SLC30A9: variants seen among roughly 807,000 people sequenced by gnomAD.
SLC30A9 encodes the protein proton-coupled zinc antiporter SLC30A9, mitochondrial.
Under a neutral mutation model 87.5 loss-of-function variants are expected in SLC30A9, and 58 were observed. That is an observed-to-expected ratio of 0.66 (90% confidence interval 0.54 to 0.82). The LOEUF (loss-of-function observed/expected upper bound fraction) is 0.82, where lower values mean the gene tolerates loss of function less well. Among genes scored for constraint, SLC30A9 ranks in the 40% least tolerant of loss-of-function variants. The pLI is 0.00. For missense variants in SLC30A9, 557 were observed against 679.1 expected (o/e 0.82, Z 2.00); for synonymous variants, 234 against 233.0 (o/e 1.00, Z -0.04).
At chr4:42,012,738 TG>T (rs1715504101) in intron 2 of SLC30A9, among the ~76,000 whole-genome samples, 1 of 152,132 alleles carries the variant, frequency 6.6e-6, no homozygotes, top group South Asian at 2.1e-4. Flanking sequence ...CTCTCAAAGA[TG>T]AGAGTCATTT....
chr4:42,040,092 T>C (rs954080913), intron 8 of SLC30A9, among the ~76,000 whole-genome samples: 4 of 152,178 alleles, frequency 2.6e-5, no homozygotes, highest in Non-Finnish European at 5.9e-5. Context: ...TGTTCAAGGA[T>C]AGTGACCAGG....
intron 6 of SLC30A9, among the ~76,000 whole-genome samples, chr4:42,033,113 A>C (rs1467657234): frequency 6.6e-6 from 1 of 152,170 alleles, no homozygotes; most frequent in Non-Finnish European, 1.5e-5. Context: ...TAGAAATATC[A>C]TCAGTAGATA....
intron 2 of SLC30A9, among the ~76,000 whole-genome samples, chr4:42,016,334 AT>A (rs1480680960): frequency 5.3e-5 from 8 of 152,168 alleles, no homozygotes; most frequent in Non-Finnish European, 1.2e-4. Flanking sequence ...ATTATAATAC[AT>A]ATGTAAGTTA....
At chr4:42,083,602 C>CT (rs1170502290) in intron 17 of SLC30A9, among the ~76,000 whole-genome samples, 26 of 151,334 alleles carry the variant, frequency 1.7e-4, no homozygotes, top group African/African-American at 2.9e-4. Context: ...AATTTTTAGG[C>CT]TTTTTTTTAA....
intron 2 of SLC30A9, among the ~76,000 whole-genome samples, chr4:42,013,188 G>A (rs765466733): frequency 6.6e-6 from 1 of 151,932 alleles, no homozygotes; most frequent in Non-Finnish European, 1.5e-5. Flanking sequence ...AAGCTGAGGT[G>A]GGATCACTTG....
At chr4:41,999,054 A>G (rs565693220) in intron 1 of SLC30A9, among the ~76,000 whole-genome samples, 1 of 152,348 alleles carries the variant, frequency 6.6e-6, no homozygotes, top group East Asian at 1.9e-4. Context: ...AGTCAATTTT[A>G]AGAGGCCTCT....
At chr4:42,066,445 C>G in intron 12 of SLC30A9, 105 bp from the exon 13 acceptor site, 1 of 598,946 alleles carries the variant, frequency 1.7e-6, no homozygotes, top group East Asian at 2.9e-5. Context: ...ATTGCCAACC[C>G]TAGTTTTAAA....
intron 11 of SLC30A9, 125 bp from the exon 12 acceptor site, chr4:42,065,185 A>G (rs1460610339): frequency 7.8e-6 from 5 of 644,060 alleles, no homozygotes; most frequent in Non-Finnish European, 8.5e-6. Flanking sequence ...GTTTCCCATT[A>G]GTAACCTTAC....
At chr4:42,051,788 G>A (rs1264904789) in intron 9 of SLC30A9, among the ~76,000 whole-genome samples, 1 of 151,964 alleles carries the variant, frequency 6.6e-6, no homozygotes, top group Non-Finnish European at 1.5e-5. Flanking sequence ...AAGCATTTAG[G>A]GAAGAAACAA....
intron 6 of SLC30A9, among the ~76,000 whole-genome samples, chr4:42,025,906 G>A (rs1716173132): frequency 1.3e-5 from 2 of 152,042 alleles, no homozygotes; most frequent in South Asian, 4.1e-4. Flanking sequence ...GCCCACCTCA[G>A]CCTCCCAAAG....
intron 9 of SLC30A9, among the ~76,000 whole-genome samples, chr4:42,059,392 G>A (rs1717755291): frequency 6.6e-6 from 1 of 152,150 alleles, no homozygotes; most frequent in Non-Finnish European, 1.5e-5. Flanking sequence ...AGAAGTTCCA[G>A]TGGATAACTC....
At chr4:42,023,195 C>T (rs905916714) in intron 5 of SLC30A9, 107 bp from the exon 6 acceptor site, 1 of 804,104 alleles carries the variant, frequency 1.2e-6, no homozygotes, top group East Asian at 2.5e-5. Flanking sequence ...TCTCCAAAAG[C>T]ACCTTACACT....
intron 3 of SLC30A9, chr4:42,018,565 T>C (rs1206946186): frequency 2.0e-6 from 1 of 488,074 alleles, no homozygotes; most frequent in Non-Finnish European, 3.1e-6. Flanking sequence ...GGAATTCCTG[T>C]TTGTAGCTCT....
At chr4:42,007,218 G>T (rs1295422275) in intron 2 of SLC30A9, among the ~76,000 whole-genome samples, 1 of 152,124 alleles carries the variant, frequency 6.6e-6, no homozygotes, top group African/African-American at 2.4e-5. Context: ...TGAATCTGGG[G>T]GATGAAGAAG....
At chr4:42,059,737 G>T (rs867657851) in intron 9 of SLC30A9, among the ~76,000 whole-genome samples, 38 of 143,136 alleles carry the variant, frequency 2.7e-4, no homozygotes, top group African/African-American at 8.8e-4. Flanking sequence ...AACCTTTTCT[G>T]TGCTTTACAT....
intron 17 of SLC30A9, among the ~76,000 whole-genome samples, chr4:42,082,326 T>G (rs983938582): frequency 6.6e-6 from 1 of 152,218 alleles, no homozygotes; most frequent in Non-Finnish European, 1.5e-5. Context: ...AGGGAATGCA[T>G]GAATGTAATT....
At chr4:42,023,144 G>A in intron 5 of SLC30A9, among the ~76,000 whole-genome samples, 158 bp from the exon 6 acceptor site, 1 of 152,204 alleles carries the variant, frequency 6.6e-6, no homozygotes, top group East Asian at 1.9e-4. Context: ...TACTCTAGTT[G>A]TTTAGATTTC....
At chr4:42,062,360 T>A (rs1320451429) in intron 10 of SLC30A9, among the ~76,000 whole-genome samples, 6 of 152,210 alleles carry the variant, frequency 3.9e-5, no homozygotes. Context: ...TACTAAGTAT[T>A]GTGTCAGTAC....
chr4:42,024,497 G>T (rs1348123015), intron 6 of SLC30A9, among the ~76,000 whole-genome samples: 1 of 152,110 alleles, frequency 6.6e-6, no homozygotes, highest in Non-Finnish European at 1.5e-5. Context: ...GTTTTTCACT[G>T]TTAGAAAGAA....
Sources: allele counts gnomAD v4.1 joint callset (sites outside exome capture counted in the v4.1 genomes callset), GRCh38; gene constraint gnomAD v4.1.1; transcripts MANE v1.5; gene names NCBI Gene and HGNC (gene_info 2026-07-23, HGNC 2026-07-21).